BCL11A: variants seen among roughly 807,000 people sequenced by gnomAD.
BCL11A encodes the protein B cell CLL/lymphoma 11A.
In BCL11A, 2 loss-of-function variants were observed where a neutral mutation model predicts 55.9. That is an observed-to-expected ratio of 0.04 (90% CI 0.01 to 0.11). The LOEUF is 0.11. BCL11A is among the 10% of genes least tolerant of loss of function. The pLI, the probability that BCL11A is intolerant of heterozygous loss-of-function variation, is 1.00. For missense variants in BCL11A, 817 were observed against 1,137.1 expected (o/e 0.72, Z 4.05); for synonymous variants, 465 against 473.4 (o/e 0.98, Z 0.23).
chr2:60,489,331 A>C (rs1234041324), intron 2 of BCL11A, among the ~76,000 whole-genome samples: 1 of 152,206 alleles, frequency 6.6e-6, no homozygotes, highest in Non-Finnish European at 1.5e-5. Context: ...AAATTCATAC[A>C]ATAGAGGCAT....
chr2:60,545,703 G>C, intron 2 of BCL11A: 1 of 417,054 alleles, frequency 2.4e-6, no homozygotes, highest in Non-Finnish European at 4.3e-6. Context: ...GGGAAGAAAA[G>C]AAATCCAAAA....
intron 3 of BCL11A, among the ~76,000 whole-genome samples, chr2:60,463,067 G>A (rs757836863): frequency 6.6e-6 from 1 of 152,182 alleles, no homozygotes; most frequent in Non-Finnish European, 1.5e-5. Context: ...GTGGAAAAAA[G>A]ACTAGCAACA....
chr2:60,507,281 G>A (rs1339987573), intron 2 of BCL11A, among the ~76,000 whole-genome samples: 1 of 824 alleles, frequency 1.2e-3, no homozygotes, highest in Non-Finnish European at 2.3e-3. Context: ...GGGGAGGGGA[G>A]GGGAGGGGAG....
chr2:60,532,961 T>C (rs757292173), intron 2 of BCL11A: 2 of 152,242 alleles, frequency 1.3e-5, no homozygotes. Flanking sequence ...GAATTATTTG[T>C]GTACTTGACA....
intron 2 of BCL11A, among the ~76,000 whole-genome samples, chr2:60,539,569 C>T (rs115735551): frequency 0.013 from 1,935 of 152,290 alleles, 25 homozygotes; most frequent in African/African-American, 0.044. Flanking sequence ...GAATAAGTTA[C>T]ATTTTAAAAC....
At chr2:60,537,446 T>C (rs1669721372) in intron 2 of BCL11A, 2 of 152,228 alleles carry the variant, frequency 1.3e-5, no homozygotes, top group Admixed American at 1.3e-4. Context: ...TAAATGTAAA[T>C]AAATCATAAA....
intron 2 of BCL11A, chr2:60,543,714 G>A (rs529505304): frequency 5.9e-5 from 9 of 152,334 alleles, no homozygotes; most frequent in African/African-American, 2.2e-4. Context: ...GGGAACAGGT[G>A]ATTAAACACA....
intron 1 of BCL11A, among the ~76,000 whole-genome samples, chr2:60,548,462 A>G (rs1670251486): frequency 1.3e-5 from 2 of 152,196 alleles, no homozygotes; most frequent in African/African-American, 4.8e-5. Context: ...ACTTGGTTAA[A>G]GTCTTCTAAA....
chr2:60,457,880 C>T lies in BCL11A; in HGVS notation c.*2524G>A. 1.9e-6 allele frequency: 2 copies of T among 1,048,390 alleles called. No individual in the cohort carries two copies. The highest frequency in any genetic ancestry group is 9.2e-5 in the South Asian group (2 of 21,820). The allele number at this position is 1,048,390 out of a possible 1,614,324, so 64.9% of individuals were successfully genotyped here. ...ACCCCTATGACAGCCATCCATGTGA[C>T]ATTCTAGCAGGCTCCCCCAAACCGC... On this transcript the variant is annotated 3_prime_UTR_variant, in exon 4 of 4. Coordinates refer to ENST00000642384, the MANE Select transcript of BCL11A (RefSeq NM_022893.4).
intron 2 of BCL11A, among the ~76,000 whole-genome samples, chr2:60,530,695 A>T (rs1210491294): frequency 1.2e-4 from 18 of 151,292 alleles, no homozygotes; most frequent in Non-Finnish European, 2.5e-4. Context: ...AGAAAGAAAA[A>T]GGAAAAAAAA....
intron 2 of BCL11A, among the ~76,000 whole-genome samples, chr2:60,492,866 G>A (rs938476720): frequency 3.3e-5 from 5 of 152,146 alleles, no homozygotes; most frequent in Non-Finnish European, 5.9e-5. Flanking sequence ...TTCATTTTAA[G>A]TGTACAGTTG....
intron 2 of BCL11A, among the ~76,000 whole-genome samples, chr2:60,488,821 G>A (rs572950204): frequency 1.1e-3 from 170 of 150,284 alleles, no homozygotes; most frequent in Non-Finnish European, 1.5e-3. Flanking sequence ...GTGCAATGGC[G>A]CAATCTCGGC....
intron 2 of BCL11A, among the ~76,000 whole-genome samples, chr2:60,499,144 C>A (rs1479823957): frequency 1.3e-5 from 2 of 152,242 alleles, no homozygotes; most frequent in African/African-American, 4.8e-5. Context: ...CTGCCATTAT[C>A]TTCTCTGGTC....
intron 2 of BCL11A, among the ~76,000 whole-genome samples, chr2:60,481,163 T>C (rs758995242): frequency 1.3e-5 from 2 of 151,908 alleles, no homozygotes; most frequent in Non-Finnish European, 2.9e-5. Flanking sequence ...CCTGCTGTGC[T>C]CAAGGAGATT....
rs1026100637 is a variant in BCL11A, at chr2:60,460,191, AAAAAAGAAAAAG to A, written c.*201_*212del. ...AGGAAAAAAAAAAAAAAGGAAAAAG[AAAAAAGAAAAAG>A]AAAAAGAAAAAAAACAGGTGTGCTG... is the stretch of plus-strand genomic sequence containing the variant. On this transcript the variant is annotated 3_prime_UTR_variant, in exon 4 of 4. Coordinates refer to ENST00000642384, the MANE Select transcript of BCL11A (RefSeq NM_022893.4). The A allele has an allele frequency of 1.9e-5, 25 of 1,302,232 alleles. No homozygotes were observed. The African/African-American group carries it at 3.5e-4, about 18-fold the overall frequency. The allele number at this position is 1,302,232 out of a possible 1,614,324, so 80.7% of individuals were successfully genotyped here.
intron 2 of BCL11A, among the ~76,000 whole-genome samples, chr2:60,519,648 C>A (rs1366660848): frequency 1.3e-5 from 2 of 152,090 alleles, no homozygotes; most frequent in African/African-American, 4.8e-5. Context: ...GTAAGTTGAC[C>A]ACTGGAGAAA....
chr2:60,518,591 AGCATT>A (rs1668837639), intron 2 of BCL11A, among the ~76,000 whole-genome samples: 1 of 152,194 alleles, frequency 6.6e-6, no homozygotes, highest in South Asian at 2.1e-4. Context: ...CAAGGCAGGA[AGCATT>A]GCTCTAGATC....
chr2:60,503,909 G>A (rs1030401972), intron 2 of BCL11A, among the ~76,000 whole-genome samples: 8 of 152,032 alleles, frequency 5.3e-5, no homozygotes, highest in African/African-American at 9.7e-5. Context: ...TGGCTGCTTC[G>A]TTGATTCTAG....
chr2:60,476,024 G>A (rs907851220), intron 2 of BCL11A, among the ~76,000 whole-genome samples: 1 of 152,122 alleles, frequency 6.6e-6, no homozygotes, highest in African/African-American at 2.4e-5. Context: ...GATTAGATGG[G>A]GTGGCTTCTC....
Sources: gnomAD v4.1 joint callset for allele counts (sites outside exome capture counted in the v4.1 genomes callset) on GRCh38, gnomAD v4.1.1 for gene constraint, MANE v1.5 for transcripts, NCBI Gene and HGNC (gene_info 2026-07-23, HGNC 2026-07-21) for gene names.